The following VSTM4 variants were observed in gnomAD, a reference collection of about 807,000 sequenced individuals.
The protein encoded by VSTM4 is V-set and transmembrane domain containing 4, also known as V-set and transmembrane domain-containing protein 4.
A neutral mutation model predicts 36.4 loss-of-function variants in VSTM4; 20 were observed. That is an observed-to-expected ratio of 0.55 (90% CI 0.39 to 0.80). The LOEUF (loss-of-function observed/expected upper bound fraction) is 0.80, where lower values mean the gene tolerates loss of function less well. Ranked by LOEUF, VSTM4 falls within the 30% of genes least tolerant of loss-of-function variation. The probability of loss-of-function intolerance (pLI) is 0.00; values close to 1 mark genes in which losing one functional copy is unlikely to be tolerated. For missense variants in VSTM4, 392 were observed against 404.5 expected (o/e 0.97, Z 0.26); for synonymous variants, 182 against 173.9 (o/e 1.05, Z -0.37).
intron 2 of VSTM4, among the ~76,000 whole-genome samples, chr10:49,100,252 C>T (rs1269158474): frequency 6.6e-6 from 1 of 151,728 alleles, no homozygotes; most frequent in South Asian, 2.1e-4. Context: ...TAGGTTAAAA[C>T]TCACAGTAGT....
chr10:49,081,944 T>A (rs1844286409), intron 3 of VSTM4, among the ~76,000 whole-genome samples: 1 of 152,206 alleles, frequency 6.6e-6, no homozygotes, highest in African/African-American at 2.4e-5. Flanking sequence ...TTTTTTCCCT[T>A]CTGTTACAAG....
intron 7 of VSTM4, among the ~76,000 whole-genome samples, chr10:49,024,036 C>A (rs1843220289): frequency 6.6e-6 from 1 of 152,210 alleles, no homozygotes; most frequent in Non-Finnish European, 1.5e-5. Context: ...GAAGTCCTGG[C>A]AGAATCCTTT....
intron 2 of VSTM4, among the ~76,000 whole-genome samples, chr10:49,092,877 C>A (rs527745998): frequency 6.6e-6 from 1 of 152,210 alleles, no homozygotes; most frequent in South Asian, 2.1e-4. Flanking sequence ...CACAGACAGG[C>A]ACTGGTATGT....
intron 5 of VSTM4, among the ~76,000 whole-genome samples, chr10:49,057,186 A>C (rs1843795537): frequency 6.6e-6 from 1 of 152,174 alleles, no homozygotes; most frequent in Non-Finnish European, 1.5e-5. Context: ...CTACATTTCC[A>C]CATCAGATTT....
chr10:49,082,798 A>G (rs1844303849), intron 3 of VSTM4, among the ~76,000 whole-genome samples: 1 of 152,260 alleles, frequency 6.6e-6, no homozygotes, highest in African/African-American at 2.4e-5. Flanking sequence ...GAACTTCCAA[A>G]GGCATCACTG....
intron 7 of VSTM4, 151 bp from the exon 8 acceptor site, chr10:49,019,926 A>G: frequency 8.0e-6 from 8 of 997,568 alleles, no homozygotes; most frequent in Non-Finnish European, 1.1e-5. Flanking sequence ...CATAATATCC[A>G]ATAACATAAT....
chr10:49,104,036 C>T (rs1323972705), intron 2 of VSTM4, among the ~76,000 whole-genome samples: 3 of 152,188 alleles, frequency 2.0e-5, no homozygotes, highest in African/African-American at 4.8e-5. Context: ...AGGTGGCTCA[C>T]ACCTGTAATC....
chr10:49,034,190 CCACCATCAT>C (rs60536398), intron 7 of VSTM4, among the ~76,000 whole-genome samples: 101,479 of 151,016 alleles, frequency 0.67, 35,976 homozygotes, highest in Non-Finnish European at 0.8. Flanking sequence ...ACCATTATCA[CCACCATCAT>C]CACCATCATC....
chr10:49,036,719 T>A (rs1345579615), intron 7 of VSTM4, among the ~76,000 whole-genome samples: 1 of 152,204 alleles, frequency 6.6e-6, no homozygotes, highest in African/African-American at 2.4e-5. Flanking sequence ...ACATTCTCAA[T>A]GGTGAAAACT....
intron 2 of VSTM4, among the ~76,000 whole-genome samples, chr10:49,098,613 G>A (rs576863903): frequency 2.6e-5 from 4 of 152,326 alleles, no homozygotes; most frequent in South Asian, 2.1e-4. Flanking sequence ...GCCTAATGCA[G>A]AGTCCCCAAA....
At chr10:49,103,814 G>C in intron 2 of VSTM4, 1 of 1,614,050 alleles carries the variant, frequency 6.2e-7, no homozygotes, top group Non-Finnish European at 8.5e-7. Context: ...GTATTACAAG[G>C]GAAATCCCAA....
chr10:49,016,773 C>A lies in VSTM4; in HGVS notation c.*2877G>T, dbSNP rs1025942403. On this transcript the variant is annotated 3_prime_UTR_variant, in exon 8 of 8. Coordinates refer to ENST00000332853, the MANE Select transcript of VSTM4 (RefSeq NM_001031746.5). ...TCGTAAAAAGGTGACTCTAAGGAAT[C>A]CCAGGCCTCTCCTCCACTACAGCTG... 6.6e-6 allele frequency: 1 copy of A among 152,228 alleles called. No individual in the cohort carries two copies. The highest frequency in any genetic ancestry group is 1.9e-4 in the East Asian group (1 of 5,204). 9.4% of individuals were successfully genotyped at this position (152,228 alleles called of 1,614,324 possible).
At chr10:49,020,905 GA>G (rs1843173894) in intron 7 of VSTM4, among the ~76,000 whole-genome samples, 1 of 152,008 alleles carries the variant, frequency 6.6e-6, no homozygotes, top group Admixed American at 6.6e-5. Context: ...TTCTATTCCA[GA>G]AATGCAAAGA....
chr10:49,042,572 C>T (rs1490211154), intron 7 of VSTM4, among the ~76,000 whole-genome samples: 2 of 152,238 alleles, frequency 1.3e-5, no homozygotes, highest in Admixed American at 6.5e-5. Context: ...TAAGCCCTGA[C>T]TGCAACCCAC....
intron 4 of VSTM4, 29 bp downstream of exon 4, chr10:49,077,190 C>T: frequency 1.2e-6 from 2 of 1,610,000 alleles, no homozygotes; most frequent in Non-Finnish European, 1.7e-6. Context: ...GTGCTCCCAT[C>T]CCAGACATGA....
intron 7 of VSTM4, among the ~76,000 whole-genome samples, chr10:49,026,945 C>T (rs537114547): frequency 6.6e-6 from 1 of 152,298 alleles, no homozygotes; most frequent in South Asian, 2.1e-4. Context: ...CAGGCTCCTC[C>T]CTGAAACTTC....
At chr10:49,074,844 T>A (rs966749813) in intron 4 of VSTM4, among the ~76,000 whole-genome samples, 1 of 152,200 alleles carries the variant, frequency 6.6e-6, no homozygotes, top group Admixed American at 6.5e-5. Context: ...GGAACCCAGC[T>A]TGGAAACTGC....
In VSTM4 at chr10:49,104,065, G is replaced by A. The variant is rs146788010; in HGVS notation, c.457+3529C>T. Among the ~76,000 whole-genome samples the A allele has an allele frequency of 2.6e-3, 396 of 152,240 alleles. 1 individual carries two copies. Among genetic ancestry groups the A allele is most frequent in the African/African-American group, 8.7e-3 (363 of 41,526 alleles). ...TGTAATCTCAGCACTTTGGGAGGCCGAGGTGGGTGGATCACCTGAGGTCAC... is the reference window on the plus strand; with the variant it reads ...TGTAATCTCAGCACTTTGGGAGGCCAAGGTGGGTGGATCACCTGAGGTCAC... On this transcript the variant is annotated intron_variant, in intron 2 of 7. Coordinates refer to ENST00000332853, the MANE Select transcript of VSTM4 (RefSeq NM_001031746.5).
chr10:49,064,597 G>T lies in VSTM4; in HGVS notation c.668+106C>A, dbSNP rs1843938912. 3 of 1,307,808 alleles carry T rather than the reference G, an allele frequency of 2.3e-6. No individual in the cohort carries two copies. The Admixed American group carries it at 5.9e-5, about 26-fold the overall frequency. The allele number at this position is 1,307,808 out of a possible 1,614,324, so 81.0% of individuals were successfully genotyped here. A position where few individuals can be genotyped will look rare whatever the true frequency, so the allele number is the denominator to read the frequency against. ...TGCAGGCATATTTGTGGACAAATAT[G>T]CAGACTTTTAGGTAAAACTACAAAT... On this transcript the variant is annotated intron_variant, in intron 5 of 7. Transcript: ENST00000332853.
Sources: allele counts gnomAD v4.1 joint callset (sites outside exome capture counted in the v4.1 genomes callset), GRCh38; gene constraint gnomAD v4.1.1; transcripts MANE v1.5; gene names NCBI Gene and HGNC (gene_info 2026-07-23, HGNC 2026-07-21).